PTCH1: variants seen among roughly 807,000 people sequenced by gnomAD.
PTCH1 encodes protein patched homolog 1.
Under a neutral mutation model 144.6 loss-of-function variants are expected in PTCH1, and 14 were observed. The ratio of observed to expected loss-of-function variants is 0.10; its 90% CI spans 0.06 to 0.15. The LOEUF (loss-of-function observed/expected upper bound fraction) is 0.15, where lower values mean the gene tolerates loss of function less well. Ranked by LOEUF, PTCH1 falls within the 10% of genes least tolerant of loss-of-function variation. The pLI is 1.00. For missense variants in PTCH1, 1,623 were observed against 1,948.3 expected, an observed-to-expected ratio of 0.83 and a Z score of 3.14; for synonymous variants, 833 against 793.6, an observed-to-expected ratio of 1.05 and a Z score of -0.83.
rs759967074 is a variant in PTCH1 at position 95,449,223 on chromosome 9, C to T, written c.3650G>A (p.Gly1217Glu). The T allele has an allele frequency of 6.3e-7, 1 of 1,596,670 alleles. No homozygotes were observed. Among genetic ancestry groups the T allele is most frequent in the South Asian group, 1.1e-5 (1 of 88,738 alleles). Residue 1217 changes from glycine to glutamate, a missense_variant, in exon 22 of 24, where the codon GGG (glycine) becomes GAG (glutamate). By Grantham distance (98) the Gly-to-Glu change is moderately conservative (BLOSUM62 -2). Coordinates refer to ENST00000331920, the MANE Select transcript of PTCH1 (RefSeq NM_000264.5). The surrounding 1 kb of genome is among the most constrained non-coding windows in gnomAD (Gnocchi z 5.3). ...FAMPPGHTHS[G>E]SDSSDSEYSS... ...ATACTCCGAGTCGGAGGAATCAGACCCGCTGTGCGTGTGGCCGGGCGGCAT... is the reference window on the plus strand; with the variant it reads ...ATACTCCGAGTCGGAGGAATCAGACTCGCTGTGCGTGTGGCCGGGCGGCAT...
chr9:95,477,583 T>C lies in PTCH1; in HGVS notation c.1467A>G (p.Ser489=), dbSNP rs747623182. 8 of 1,614,160 alleles carry C rather than the reference T, an allele frequency of 5.0e-6. No homozygotes were observed. Among genetic ancestry groups the C allele is most frequent in the Middle Eastern group, 1.6e-4 (1 of 6,062 alleles). The change falls in exon 10 of 24, where the codon TCA becomes TCG. Residue 489 remains serine (S), a synonymous_variant. Coordinates refer to ENST00000331920, the MANE Select transcript of PTCH1 (RefSeq NM_000264.5). ...CAGCGTTAAAGGAAATTCCGATCAA[T>C]GAGCACAGGCCCAGTCCTGCAGCCA... The part of the protein sequence containing the change: ...LSVAAGLGLC[S]LIGISFNAAT...
At chr9:95,505,378 T>C (rs1843493265) in intron 2 of PTCH1, among the ~76,000 whole-genome samples, 1 of 152,240 alleles carries the variant, frequency 6.6e-6, no homozygotes, top group African/African-American at 2.4e-5. Context: ...AAGTGGTGTT[T>C]AGGGTTAAAG....
Position 95,485,629 on chromosome 9 carries a change from C to G in PTCH1, c.584+56G>C, listed in dbSNP as rs1841897994. The G allele has an allele frequency of 2.5e-6, 4 of 1,605,770 alleles. No homozygotes were observed. The South Asian group carries it at 3.3e-5, about 13-fold the overall frequency. The stretch of plus-strand genomic sequence containing the variant: ...AAAATAACGGGGCCTAAACCAGCAG[C>G]CTTCTCCCACCGCCTTACCTGCTGC... On this transcript the variant is annotated intron_variant, in intron 3 of 23. Coordinates refer to ENST00000331920, the MANE Select transcript of PTCH1 (RefSeq NM_000264.5).
At chr9:95,482,259 CA>C in intron 3 of PTCH1, 56 bp from the exon 4 acceptor site, 1 of 1,497,594 alleles carries the variant, frequency 6.7e-7, no homozygotes, top group African/African-American at 1.4e-5. Flanking sequence ...AAAATTAGTG[CA>C]AATTCGAAAT....
At chr9:95,454,300 T>C (rs1838730280) in intron 19 of PTCH1, among the ~76,000 whole-genome samples, 1 of 152,176 alleles carries the variant, frequency 6.6e-6, no homozygotes, top group Non-Finnish European at 1.5e-5. Flanking sequence ...CCTGAACGTG[T>C]GACCCCTGCA....
At chr9:95,502,166 C>G (rs1017043732) in intron 2 of PTCH1, among the ~76,000 whole-genome samples, 1 of 152,320 alleles carries the variant, frequency 6.6e-6, no homozygotes, top group South Asian at 2.1e-4. Flanking sequence ...GCCCTGAATG[C>G]CCCCTACCCT....
Position 95,479,674 on chromosome 9 carries a change from T to C in PTCH1, c.1067+295A>G, listed in dbSNP as rs1365624112. On this transcript the variant is annotated intron_variant, in intron 7 of 23. Transcript: ENST00000331920. ...TCTCTCTGACCAGTGTGTCCCGGCCTACTTTACACCTGCTCCCATTCTCTA... is the reference window on the plus strand; with the variant it reads ...TCTCTCTGACCAGTGTGTCCCGGCCCACTTTACACCTGCTCCCATTCTCTA... Among the ~76,000 whole-genome samples the C allele has an allele frequency of 2.0e-5, 3 of 152,184 alleles. No homozygotes were observed. The East Asian group carries it at 5.8e-4, about 29-fold the overall frequency.
chr9:95,485,989 C>T, intron 2 of PTCH1, 115 bp from the exon 3 acceptor site: 3 of 1,141,490 alleles, frequency 2.6e-6, no homozygotes, highest in Non-Finnish European at 3.9e-6. Context: ...AGTCATGAGA[C>T]TGGCTGATGT....
chr9:95,506,847 C>T (rs1183481003), intron 1 of PTCH1: 4 of 1,185,226 alleles, frequency 3.4e-6, no homozygotes, highest in Admixed American at 4.6e-5. Context: ...CCCGCGGGAT[C>T]CCTGAGCGAC....
intron 18 of PTCH1, among the ~76,000 whole-genome samples, chr9:95,457,199 C>A (rs894413782): frequency 1.6e-5 from 2 of 127,864 alleles, no homozygotes; most frequent in Admixed American, 1.0e-4. Context: ...AACAAGTTAC[C>A]AGATGGAAGA....
intron 13 of PTCH1, 157 bp from the exon 14 acceptor site, chr9:95,469,310 T>C: frequency 9.7e-7 from 1 of 1,035,248 alleles, no homozygotes. Flanking sequence ...CATCGCCTGG[T>C]TGATAACATC....
At chr9:95,504,585 C>G (rs967921225) in intron 2 of PTCH1, among the ~76,000 whole-genome samples, 1 of 151,900 alleles carries the variant, frequency 6.6e-6, no homozygotes, top group Non-Finnish European at 1.5e-5. Flanking sequence ...CAAGAATCTA[C>G]GGCAGCGGCC....
rs1588622247 is a variant in PTCH1, at chr9:95,485,721, A to T, written c.548T>A (p.Leu183His). ...GTATACATGGACACGGCTGGCCTGGAGTGCCGAGTCCAGGTGTTGTAGGAG... is the reference window on the plus strand; with the variant it reads ...GTATACATGGACACGGCTGGCCTGGTGTGCCGAGTCCAGGTGTTGTAGGAG... The part of the protein sequence containing the change: ...EALLQHLDSA[L>H]QASRVHVYMY... Residue 183 changes from leucine to histidine, a missense_variant, in exon 3 of 24, where the codon CTC (leucine) becomes CAC (histidine). Around this residue, in one of 7 missense-constraint regions of PTCH1, gnomAD observed 39 missense variants for 75.6 expected, o/e 0.52. Coordinates refer to ENST00000331920, the MANE Select transcript of PTCH1 (RefSeq NM_000264.5). 6.2e-7 allele frequency: 1 copy of T among 1,614,100 alleles called. No individual in the cohort carries two copies. Among genetic ancestry groups the T allele is most frequent in the Middle Eastern group, 1.6e-4 (1 of 6,062 alleles).
intron 19 of PTCH1, among the ~76,000 whole-genome samples, chr9:95,455,424 C>T (rs983673115): frequency 2.0e-5 from 3 of 152,164 alleles, no homozygotes; most frequent in African/African-American, 4.8e-5. Context: ...TTTCGCACGT[C>T]GATATTTAAC....
intron 2 of PTCH1, chr9:95,494,123 T>C (rs1238482141): frequency 1.2e-6 from 1 of 828,064 alleles, no homozygotes; most frequent in Non-Finnish European, 1.5e-6. Flanking sequence ...GCGCAGGTAG[T>C]GCGCAGGCGC....
In PTCH1 at chr9:95,508,386, G is replaced by GCCGCCGCCC. The variant is rs1241704552; in HGVS notation, c.-26_-25insGGGCGGCGG. On this transcript the variant is annotated 5_prime_UTR_variant, in exon 1 of 24. Transcript: ENST00000331920. ...TGTTGCCGCCGCCGCCGCCGCCGCC[G>GCCGCCGCCC]CGGGGACGGAGGCTTCCCGGGCGGC... The GCCGCCGCCC allele has an allele frequency of 8.7e-7, 1 of 1,145,078 alleles. No individual in the cohort carries two copies. The highest frequency in any genetic ancestry group is 1.6e-5 in the African/African-American group (1 of 60,804). 70.9% of individuals were successfully genotyped at this position (1,145,078 alleles called of 1,614,324 possible). A position where few individuals can be genotyped will look rare whatever the true frequency, so the allele number is the denominator to read the frequency against.
chr9:95,462,499 G>C lies in PTCH1; in HGVS notation c.2561-501C>G, dbSNP rs571774518. ...TGAGCGAACACGATTCTGTCAATTT[G>C]TTCCATCTGTTCGACTTGTGGAGCT... On this transcript the variant is annotated intron_variant, in intron 15 of 23. Transcript: ENST00000331920. Among the ~76,000 whole-genome samples, 18 of 152,292 alleles carry C rather than the reference G, an allele frequency of 1.2e-4. 1 individual carries two copies. Among genetic ancestry groups the C allele is most frequent in the African/African-American group, 4.3e-4 (18 of 41,568 alleles).
In PTCH1 at chr9:95,458,392, T is replaced by C. The variant is rs1207590333; in HGVS notation, c.2888-99A>G. ...GAACTTTGCATGAAAGCTTACTGAC[T>C]GCTCTTCTACATGATACAAAGAACA... is the stretch of plus-strand genomic sequence containing the variant. On this transcript the variant is annotated intron_variant, in intron 17 of 23. Transcript: ENST00000331920. This position sits in a 1 kb window ranked among gnomAD's most constrained non-coding sequence, Gnocchi z 4.7. 1.4e-6 allele frequency: 2 copies of C among 1,421,038 alleles called. No homozygotes were observed. Among genetic ancestry groups the C allele is most frequent in the African/African-American group, 1.4e-5 (1 of 70,294 alleles). 88.0% of individuals were successfully genotyped at this position (1,421,038 alleles called of 1,614,324 possible).
chr9:95,509,615 GCACA>G (rs3834392), upstream of PTCH1, among the ~76,000 whole-genome samples: 3 of 152,186 alleles, frequency 2.0e-5, no homozygotes, highest in Admixed American at 6.5e-5. Context: ...GCGCGCGCAC[GCACA>G]CACACGAACA....
Sources: allele counts gnomAD v4.1 joint callset (sites outside exome capture counted in the v4.1 genomes callset), GRCh38; gene constraint gnomAD v4.1.1; regional missense constraint gnomAD v4.1.1; non-coding constraint Gnocchi (gnomAD v3.1); transcripts MANE v1.5; gene names NCBI Gene and HGNC (gene_info 2026-07-23, HGNC 2026-07-21).